RBFOX1: variants seen among roughly 807,000 people sequenced by gnomAD.
The protein encoded by RBFOX1 is RNA binding fox-1 homolog 1.
Under a neutral mutation model 57.7 loss-of-function variants are expected in RBFOX1, and 8 were observed. The ratio of observed to expected loss-of-function variants is 0.14; its 90% confidence interval spans 0.08 to 0.25. RBFOX1 has a LOEUF of 0.25. Ranked by LOEUF, RBFOX1 falls within the 10% of genes least tolerant of loss-of-function variation. The probability of loss-of-function intolerance (pLI) is 1.00; values close to 1 mark genes in which losing one functional copy is unlikely to be tolerated. For missense variants in RBFOX1, 611 were observed against 548.5 expected (o/e 1.11, Z -1.14); for synonymous variants, 326 against 222.4 (o/e 1.47, Z -4.15).
At chr16:6,460,266 G>A (rs1383867864) in intron 2 of RBFOX1, among the ~76,000 whole-genome samples, 1 of 151,996 alleles carries the variant, frequency 6.6e-6, no homozygotes, top group African/African-American at 2.4e-5. Context: ...CCCTGTGTGT[G>A]TGACTGTGTC....
At chr16:6,564,329 T>C (rs1410581090) in intron 2 of RBFOX1, among the ~76,000 whole-genome samples, 2 of 152,056 alleles carry the variant, frequency 1.3e-5, no homozygotes, top group African/African-American at 4.8e-5. Flanking sequence ...CAGTGGAGTA[T>C]TATTCAGCTA....
At chr16:6,090,921 G>A (rs1233090696) in intron 1 of RBFOX1, among the ~76,000 whole-genome samples, 1 of 152,174 alleles carries the variant, frequency 6.6e-6, no homozygotes, top group Non-Finnish European at 1.5e-5. Flanking sequence ...CTTAAAAAAA[G>A]TATTGATTCA....
chr16:6,395,179 C>G (rs1410647097), intron 2 of RBFOX1, among the ~76,000 whole-genome samples: 1 of 152,074 alleles, frequency 6.6e-6, no homozygotes, highest in African/African-American at 2.4e-5. Flanking sequence ...TGTCTAAGGA[C>G]TACAGAAGAA....
chr16:7,204,414 G>A (rs1038935834), intron 4 of RBFOX1, among the ~76,000 whole-genome samples: 1 of 152,174 alleles, frequency 6.6e-6, no homozygotes, highest in Non-Finnish European at 1.5e-5. Context: ...GGCTGAAGTG[G>A]GAGGATCACT....
intron 3 of RBFOX1, among the ~76,000 whole-genome samples, chr16:5,679,805 C>T (rs1224624089): frequency 6.6e-6 from 1 of 152,182 alleles, no homozygotes. Context: ...AGCTCCTTCT[C>T]TCCAAATTTC....
chr16:6,435,393 C>T (rs932424469), intron 2 of RBFOX1, among the ~76,000 whole-genome samples: 20 of 150,754 alleles, frequency 1.3e-4, no homozygotes, highest in South Asian at 2.1e-4. Context: ...CTCTGCCTCC[C>T]GCATTAAAGT....
intron 4 of RBFOX1, among the ~76,000 whole-genome samples, chr16:7,242,166 A>G (rs1258134549): frequency 2.0e-5 from 3 of 152,142 alleles, no homozygotes; most frequent in Admixed American, 2.0e-4. Flanking sequence ...AAACCCATAT[A>G]TGTGTAGGTC....
intron 3 of RBFOX1, among the ~76,000 whole-genome samples, chr16:5,694,671 T>C (rs1222434967): frequency 6.6e-6 from 1 of 152,008 alleles, no homozygotes; most frequent in African/African-American, 2.4e-5. Context: ...TTGTTTCAAA[T>C]GATACCTCTT....
intron 4 of RBFOX1, among the ~76,000 whole-genome samples, chr16:7,294,265 G>T (rs1320145310): frequency 2.0e-5 from 3 of 151,968 alleles, no homozygotes; most frequent in South Asian, 2.1e-4. Flanking sequence ...ATTCAGTCCT[G>T]TGCACTGGAA....
At chr16:5,562,503 G>C (rs184545602) in intron 2 of RBFOX1, among the ~76,000 whole-genome samples, 2 of 93,226 alleles carry the variant, frequency 2.1e-5, no homozygotes, top group East Asian at 3.6e-4. Context: ...AGGAGAAGAA[G>C]GGGGAGGACC....
intron 4 of RBFOX1, among the ~76,000 whole-genome samples, chr16:7,348,788 CA>C: frequency 6.6e-6 from 1 of 152,082 alleles, no homozygotes; most frequent in Admixed American, 6.6e-5. Flanking sequence ...CTAAAAATGC[CA>C]AAATTAGCCA....
chr16:6,825,900 G>C (rs1194586945), intron 3 of RBFOX1, among the ~76,000 whole-genome samples: 1 of 152,196 alleles, frequency 6.6e-6, no homozygotes, highest in African/African-American at 2.4e-5. Context: ...CAAGACTTTA[G>C]GAATCGTGTG....
At chr16:6,790,084 C>G (rs1314252202) in intron 3 of RBFOX1, among the ~76,000 whole-genome samples, 3 of 78,946 alleles carry the variant, frequency 3.8e-5, no homozygotes, top group South Asian at 7.1e-4. Context: ...TTATATTTTT[C>G]TATTATATTG....
At chr16:6,114,388 A>G (rs2096477369) in intron 1 of RBFOX1, among the ~76,000 whole-genome samples, 1 of 152,216 alleles carries the variant, frequency 6.6e-6, no homozygotes, top group Non-Finnish European at 1.5e-5. Context: ...TGTCTTTGAA[A>G]TTGAAGACAA....
intron 2 of RBFOX1, among the ~76,000 whole-genome samples, chr16:5,557,838 TG>T (rs1567228401): frequency 6.6e-6 from 1 of 152,196 alleles, no homozygotes; most frequent in East Asian, 1.9e-4. Context: ...TGGCCTGCCA[TG>T]CCCCTCGTCC....
At chr16:6,379,660 C>T (rs2091584241) in intron 2 of RBFOX1, among the ~76,000 whole-genome samples, 2 of 147,578 alleles carry the variant, frequency 1.4e-5, no homozygotes, top group Admixed American at 6.9e-5. Context: ...GTGTCAAGAG[C>T]TGTGCATTGG....
At chr16:7,230,975 C>G (rs369330501) in intron 4 of RBFOX1, among the ~76,000 whole-genome samples, 3 of 152,096 alleles carry the variant, frequency 2.0e-5, no homozygotes, top group Non-Finnish European at 4.4e-5. Context: ...GAAGCTGGGT[C>G]TGAGTCCCAG....
chr16:6,678,403 C>T lies in RBFOX1; in HGVS notation c.-16+23753C>T, dbSNP rs77640200. Among the ~76,000 whole-genome samples the T allele has an allele frequency of 3.7e-3, 562 of 152,116 alleles. 15 individuals carry two copies. In the East Asian group the frequency reaches 0.05, roughly 14 times the overall value. ...CCTCCTAAAGTGCTGGGATTACAGG[C>T]ATGAGCCGCTGCACCTGGCCAAAAG... On this transcript the variant is annotated intron_variant, in intron 3 of 15. Coordinates refer to ENST00000550418, the MANE Select transcript of RBFOX1 (RefSeq NM_018723.4).
At chr16:7,582,116 C>A (rs958175464) in intron 6 of RBFOX1, among the ~76,000 whole-genome samples, 2 of 150,558 alleles carry the variant, frequency 1.3e-5, no homozygotes, top group African/African-American at 4.9e-5. Context: ...TGCAACCTTT[C>A]TCCTGGGTTC....
Sources: allele counts gnomAD v4.1 joint callset (sites outside exome capture counted in the v4.1 genomes callset), GRCh38; gene constraint gnomAD v4.1.1; transcripts MANE v1.5; gene names NCBI Gene and HGNC (gene_info 2026-07-23, HGNC 2026-07-21).